TENT2: variants seen among roughly 807,000 people sequenced by gnomAD.
TENT2 encodes the protein terminal nucleotidyltransferase 2.
A neutral mutation model predicts 72.2 loss-of-function variants in TENT2; 44 were observed. That is an observed-to-expected ratio of 0.61 (90% confidence interval 0.48 to 0.78). The LOEUF (loss-of-function observed/expected upper bound fraction) is 0.78, where lower values mean the gene tolerates loss of function less well. TENT2 is among the 30% of genes least tolerant of loss of function. The pLI is 0.00. For synonymous variants in TENT2, 212 were observed against 192.5 expected (o/e 1.10, Z -0.84); for missense variants, 541 against 569.6 (o/e 0.95, Z 0.51).
intron 6 of TENT2, among the ~76,000 whole-genome samples, chr5:79,641,551 C>G (rs1471051812): frequency 6.6e-6 from 1 of 151,322 alleles, no homozygotes; most frequent in Non-Finnish European, 1.5e-5. Context: ...GATGTATTTC[C>G]TTTCCATTTG....
chr5:79,629,441 G>C (rs2150136709), intron 4 of TENT2, among the ~76,000 whole-genome samples: 1 of 152,280 alleles, frequency 6.6e-6, no homozygotes, highest in Non-Finnish European at 1.5e-5. Context: ...AAATATTTGT[G>C]AGCTCTAGGC....
chr5:79,651,079 A>G (rs1011597434), intron 10 of TENT2, among the ~76,000 whole-genome samples: 13 of 152,230 alleles, frequency 8.5e-5, no homozygotes, highest in Admixed American at 8.5e-4. Context: ...CTGAGAATAT[A>G]CTAAAGTGGA....
Position 79,640,918 on chromosome 5 carries a change from A to G in TENT2, c.533A>G (p.Glu178Gly). The G allele has an allele frequency of 1.9e-6, 3 of 1,612,520 alleles. No individual in the cohort carries two copies. Among genetic ancestry groups the G allele is most frequent in the Non-Finnish European group, 2.5e-6 (3 of 1,179,402 alleles). The stretch of plus-strand genomic sequence containing the variant: ...CAAATAAGTGATTTAAAGAAGAAAG[A>G]ACTCTGTCGAACACAGCTGCAGAGA... ...QQQISDLKKK[E>G]LCRTQLQREI... Residue 178 changes from glutamate (E) to glycine (G), a missense_variant, in exon 5 of 15, where the codon GAA (glutamate) becomes GGA (glycine). Transcript: ENST00000453514.
At chr5:79,649,243 A>G in intron 10 of TENT2, 53 bp downstream of exon 10, 1 of 1,539,992 alleles carries the variant, frequency 6.5e-7, no homozygotes, top group South Asian at 1.1e-5. Context: ...CAGCTTTATT[A>G]TGGTGTCTTC....
chr5:79,647,897 T>C (rs1234717392), intron 8 of TENT2, among the ~76,000 whole-genome samples: 2 of 152,194 alleles, frequency 1.3e-5, no homozygotes, highest in Non-Finnish European at 2.9e-5. Context: ...GTAGTATAGA[T>C]AGCTCTTCCC....
intron 8 of TENT2, among the ~76,000 whole-genome samples, 157 bp from the exon 9 acceptor site, chr5:79,648,460 T>C (rs1790947420): frequency 6.6e-6 from 1 of 152,262 alleles, no homozygotes; most frequent in Non-Finnish European, 1.5e-5. Context: ...TTCATTCTTA[T>C]TTCTTTAGTG....
chr5:79,659,554 A>T, intron 11 of TENT2, among the ~76,000 whole-genome samples: 1 of 47,288 alleles, frequency 2.1e-5, no homozygotes, highest in African/African-American at 7.6e-5. Flanking sequence ...AAAAAAAAAA[A>T]TGTATATATA....
intron 10 of TENT2, among the ~76,000 whole-genome samples, chr5:79,650,606 A>G (rs1195427702): frequency 6.6e-6 from 1 of 152,096 alleles, no homozygotes; most frequent in Admixed American, 6.6e-5. Context: ...AATTTTGTCA[A>G]CAGCAGCTTG....
intron 11 of TENT2, among the ~76,000 whole-genome samples, chr5:79,657,920 CTTAT>C (rs778396907): frequency 5.9e-5 from 9 of 152,126 alleles, no homozygotes; most frequent in Non-Finnish European, 8.8e-5. Context: ...TTTCAAAAAA[CTTAT>C]TTATTGTGTC....
At chr5:79,641,055 C>T in intron 5 of TENT2, 50 bp from the exon 6 acceptor site, 1 of 1,489,252 alleles carries the variant, frequency 6.7e-7, no homozygotes, top group Non-Finnish European at 9.0e-7. Context: ...CAGAACCATG[C>T]ACCTACTTTA....
chr5:79,650,787 G>A (rs956931747), intron 10 of TENT2, among the ~76,000 whole-genome samples: 18 of 152,008 alleles, frequency 1.2e-4, no homozygotes, highest in African/African-American at 4.1e-4. Flanking sequence ...GGCTTCTTTG[G>A]ATAGGGATTG....
At chr5:79,644,850 A>G in intron 7 of TENT2, 1 of 274,688 alleles carries the variant, frequency 3.6e-6, no homozygotes. Flanking sequence ...GCCTAGATAT[A>G]TTTTCACTCT....
At chr5:79,656,921 G>T (rs577018323) in intron 10 of TENT2, 37 bp from the exon 11 acceptor site, 1 of 1,534,902 alleles carries the variant, frequency 6.5e-7, no homozygotes, top group Non-Finnish European at 8.9e-7. Context: ...AATGAGTCAC[G>T]TGAATCACGG....
Position 79,686,059 on chromosome 5 carries a change from T to C in TENT2, c.*786T>C, listed in dbSNP as rs1483140689. The C allele has an allele frequency of 1.3e-5, 2 of 152,640 alleles. No individual in the cohort carries two copies. The highest frequency in any genetic ancestry group is 4.8e-5 in the African/African-American group (2 of 41,460). The allele number at this position is 152,640 out of a possible 1,614,324, so 9.5% of individuals were successfully genotyped here. The stretch of plus-strand genomic sequence containing the variant: ...TACGATAGCTTAGTGCAATGTGCAC[T>C]TCTGTTTTACTTGCCATTTTCCTGC... On this transcript the variant is annotated 3_prime_UTR_variant, in exon 15 of 15. Coordinates refer to ENST00000453514, the MANE Select transcript of TENT2 (RefSeq NM_001114394.3).
At position 79,686,083 on chromosome 5, in the gene TENT2, GCTCTGTTTT is replaced by G. The variant is rs1825941888; in HGVS notation, c.*817_*825del. 1 of 152,420 alleles carries G rather than the reference GCTCTGTTTT, an allele frequency of 6.6e-6. No individual in the cohort carries two copies. Among genetic ancestry groups the G allele is most frequent in the African/African-American group, 2.4e-5 (1 of 41,382 alleles). 9.4% of individuals were successfully genotyped at this position (152,420 alleles called of 1,614,324 possible). On this transcript the variant is annotated 3_prime_UTR_variant, in exon 15 of 15. Transcript: ENST00000453514. ...CTTCTGTTTTACTTGCCATTTTCCT[GCTCTGTTTT>G]CTCTGTGACATGAAGCAACAGAAAC... is the stretch of plus-strand genomic sequence containing the variant.
chr5:79,631,445 G>T (rs925182990), intron 4 of TENT2, among the ~76,000 whole-genome samples: 1 of 152,138 alleles, frequency 6.6e-6, no homozygotes, highest in Non-Finnish European at 1.5e-5. Context: ...ATTGATAGTT[G>T]AATATACTGT....
At chr5:79,671,810 T>C (rs1223637738) in intron 12 of TENT2, among the ~76,000 whole-genome samples, 5 of 152,120 alleles carry the variant, frequency 3.3e-5, no homozygotes, top group African/African-American at 1.2e-4. Flanking sequence ...CATTTAAAAA[T>C]TACTATTTTC....
intron 3 of TENT2, among the ~76,000 whole-genome samples, chr5:79,621,761 A>AC (rs1356086598): frequency 4.6e-4 from 64 of 140,118 alleles, no homozygotes; most frequent in African/African-American, 1.5e-3. Flanking sequence ...CTATCTCAAA[A>AC]AAAAAAAAAA....
chr5:79,626,898 A>G (rs932347503), intron 4 of TENT2, among the ~76,000 whole-genome samples: 4 of 151,894 alleles, frequency 2.6e-5, no homozygotes, highest in Middle Eastern at 3.2e-3. Context: ...TTGGGAGGCC[A>G]AGGTAGGCGG....
Sources: allele counts gnomAD v4.1 joint callset (sites outside exome capture counted in the v4.1 genomes callset), GRCh38; gene constraint gnomAD v4.1.1; transcripts MANE v1.5; gene names NCBI Gene and HGNC (gene_info 2026-07-23, HGNC 2026-07-21).